Variants in KCNH8 observed in about 807,000 individuals in gnomAD.
KCNH8 encodes the protein voltage-gated delayed rectifier potassium channel KCNH8.
In KCNH8, 70 loss-of-function variants were observed where a neutral mutation model predicts 103.6. The observed-to-expected ratio is 0.68, with a 90% CI of 0.56 to 0.82. The LOEUF (loss-of-function observed/expected upper bound fraction) is 0.82, where lower values mean the gene tolerates loss of function less well. Among genes scored for constraint, KCNH8 ranks in the 40% least tolerant of loss-of-function variants. The pLI is 0.00. For missense variants in KCNH8, 1,217 were observed against 1,329.9 expected, an observed-to-expected ratio of 0.92 and a Z score of 1.32; for synonymous variants, 498 against 489.4, an observed-to-expected ratio of 1.02 and a Z score of -0.23.
chr3:19,409,313 G>A (rs1043048508), intron 7 of KCNH8, among the ~76,000 whole-genome samples: 2 of 152,060 alleles, frequency 1.3e-5, no homozygotes, highest in African/African-American at 4.8e-5. Context: ...AGACAAGCAA[G>A]CACTAAGGGA....
chr3:19,480,661 T>C (rs2068069641), intron 11 of KCNH8, among the ~76,000 whole-genome samples: 1 of 152,214 alleles, frequency 6.6e-6, no homozygotes, highest in African/African-American at 2.4e-5. Context: ...TTGCTATCCA[T>C]GTGCCTGGTA....
chr3:19,304,207 A>G (rs923836901), intron 3 of KCNH8, among the ~76,000 whole-genome samples: 1 of 152,136 alleles, frequency 6.6e-6, no homozygotes, highest in Non-Finnish European at 1.5e-5. Flanking sequence ...TTCTCAATAT[A>G]CTGACATCAG....
chr3:19,291,745 A>C (rs1026421012), intron 3 of KCNH8, among the ~76,000 whole-genome samples: 7 of 152,178 alleles, frequency 4.6e-5, no homozygotes, highest in African/African-American at 4.8e-5. Context: ...AGAGTTCTGT[A>C]GATGTCTATT....
At chr3:19,444,926 A>C (rs978676091) in intron 8 of KCNH8, among the ~76,000 whole-genome samples, 2 of 152,124 alleles carry the variant, frequency 1.3e-5, no homozygotes, top group East Asian at 3.9e-4. Flanking sequence ...CTTTGTCAAC[A>C]TCTACCATAT....
chr3:19,253,447 A>C (rs2064304449), intron 1 of KCNH8, among the ~76,000 whole-genome samples: 1 of 151,912 alleles, frequency 6.6e-6, no homozygotes, highest in Non-Finnish European at 1.5e-5. Flanking sequence ...AGTGTGTTTC[A>C]AAATGCAAGC....
chr3:19,241,933 G>C (rs560223671), intron 1 of KCNH8, among the ~76,000 whole-genome samples: 2 of 151,962 alleles, frequency 1.3e-5, no homozygotes, highest in South Asian at 4.2e-4. Context: ...AGTTGAGAGA[G>C]GGATCTACTT....
Position 19,279,723 on chromosome 3 carries a change from G to A in KCNH8, c.311-1475G>A, listed in dbSNP as rs184786396. On this transcript the variant is annotated intron_variant, in intron 2 of 15. Transcript: ENST00000328405. ...TTTAAACAAATACAGCAGCAGCTAC[G>A]ATAAAATAAGACTTTTATATCAGAT... Among the ~76,000 whole-genome samples the A allele has an allele frequency of 2.5e-4, 38 of 152,186 alleles. 1 individual carries two copies. The highest frequency in any genetic ancestry group is 9.2e-4 in the Admixed American group (14 of 15,266).
intron 6 of KCNH8, among the ~76,000 whole-genome samples, chr3:19,391,273 A>C (rs1225029849): frequency 6.6e-6 from 1 of 152,058 alleles, no homozygotes; most frequent in African/African-American, 2.4e-5. Flanking sequence ...ACCCTCATGT[A>C]GCCTCCCAGG....
Position 19,490,741 on chromosome 3 carries a change from T to C in KCNH8, c.2041-19622T>C, listed in dbSNP as rs142434811. Reference sequence around the variant, plus strand: ...AATCTCATCTCCCTGGGCAATAGTGTTTCTAAACACTGTTTCTAAAGTGAG... The same window carrying C: ...AATCTCATCTCCCTGGGCAATAGTGCTTCTAAACACTGTTTCTAAAGTGAG... On this transcript the variant is annotated intron_variant, in intron 11 of 15. Coordinates refer to ENST00000328405, the MANE Select transcript of KCNH8 (RefSeq NM_144633.3). Among the ~76,000 whole-genome samples, 544 of 152,314 alleles carry C rather than the reference T, an allele frequency of 3.6e-3. 3 individuals carry two copies. The highest frequency in any genetic ancestry group is 0.012 in the African/African-American group (514 of 41,574).
intron 3 of KCNH8, among the ~76,000 whole-genome samples, chr3:19,300,858 C>G (rs1049554967): frequency 2.0e-5 from 3 of 151,088 alleles, no homozygotes; most frequent in African/African-American, 7.3e-5. Flanking sequence ...ATTTTTAACT[C>G]CTTTTAGTTT....
intron 1 of KCNH8, among the ~76,000 whole-genome samples, chr3:19,221,956 G>A (rs996465883): frequency 2.0e-5 from 3 of 151,562 alleles, no homozygotes; most frequent in African/African-American, 4.8e-5. Flanking sequence ...CAAGCGATTC[G>A]CCTGCCTCAG....
chr3:19,255,351 A>C (rs2064333373), intron 2 of KCNH8, among the ~76,000 whole-genome samples: 1 of 152,176 alleles, frequency 6.6e-6, no homozygotes, highest in African/African-American at 2.4e-5. Flanking sequence ...AAGACAGCTT[A>C]AGATGCTTCT....
chr3:19,148,767 C>T lies in KCNH8; in HGVS notation c.48C>T (p.Asp16=), dbSNP rs1047677581. 9 of 1,614,170 alleles carry T rather than the reference C, an allele frequency of 5.6e-6. No individual in the cohort carries two copies. Among genetic ancestry groups the T allele is most frequent in the Non-Finnish European group, 6.8e-6 (8 of 1,180,000 alleles). Residue 16 remains aspartate, a synonymous_variant, in exon 1 of 16, where the codon GAC becomes GAT. Transcript: ENST00000328405. ...TGGCGCCGCAAAACACCTTCCTGGA[C>T]ACCATCGCCACCCGTTTTGACGGAA... is the stretch of plus-strand genomic sequence containing the variant. ...GLLAPQNTFL[D]TIATRFDGTH...
intron 5 of KCNH8, among the ~76,000 whole-genome samples, chr3:19,373,719 C>T (rs2066142075): frequency 6.6e-6 from 1 of 151,558 alleles, no homozygotes; most frequent in African/African-American, 2.4e-5. Context: ...AATTTTGGAT[C>T]TTTCCTGCTT....
At chr3:19,185,070 T>A (rs2063489604) in intron 1 of KCNH8, among the ~76,000 whole-genome samples, 2 of 151,740 alleles carry the variant, frequency 1.3e-5, no homozygotes, top group East Asian at 1.9e-4. Context: ...TTAGCATTAT[T>A]CATAATACTG....
chr3:19,307,222 A>G (rs2065142031), intron 3 of KCNH8, among the ~76,000 whole-genome samples: 1 of 152,008 alleles, frequency 6.6e-6, no homozygotes, highest in Non-Finnish European at 1.5e-5. Context: ...AAAAAAAAGC[A>G]ATCCAATTTA....
intron 3 of KCNH8, among the ~76,000 whole-genome samples, chr3:19,328,387 C>A (rs374524329): frequency 6.6e-6 from 1 of 152,034 alleles, no homozygotes; most frequent in Non-Finnish European, 1.5e-5. Flanking sequence ...GTTTCCAAAC[C>A]GTTTCCATCA....
At chr3:19,226,915 T>C (rs1029873434) in intron 1 of KCNH8, among the ~76,000 whole-genome samples, 2 of 152,168 alleles carry the variant, frequency 1.3e-5, no homozygotes, top group African/African-American at 2.4e-5. Flanking sequence ...ATCCACAATT[T>C]CCCAGTCTCT....
chr3:19,266,426 G>A (rs576524792), intron 2 of KCNH8, among the ~76,000 whole-genome samples: 1 of 152,184 alleles, frequency 6.6e-6, no homozygotes, highest in East Asian at 1.9e-4. Context: ...CTCATATTAA[G>A]CTAATAAAAC....
Sources: gnomAD v4.1 joint callset for allele counts (sites outside exome capture counted in the v4.1 genomes callset) on GRCh38, gnomAD v4.1.1 for gene constraint, MANE v1.5 for transcripts, NCBI Gene and HGNC (gene_info 2026-07-23, HGNC 2026-07-21) for gene names.